QTGAL: variants seen among roughly 807,000 people sequenced by gnomAD.
QTGAL encodes BGnT-like protein 1.
chr17:83,048,649 G>C, the QTGAL span: 1 of 1,608,626 alleles, frequency 6.2e-7, no homozygotes, highest in Non-Finnish European at 8.5e-7. Flanking sequence ...TGAGTCACCC[G>C]ACAGGAAGTT....
At chr17:82,983,682 C>T in the QTGAL span, among the ~76,000 whole-genome samples, 1 of 152,216 alleles carries the variant, frequency 6.6e-6, no homozygotes, top group Admixed American at 6.5e-5. Context: ...GCAGATGCTC[C>T]GTGGGGGCAG....
At chr17:82,949,233 T>G in the QTGAL span, 1 of 152,136 alleles carries the variant, frequency 6.6e-6, no homozygotes, top group African/African-American at 2.4e-5. Flanking sequence ...ACCCAGAAAT[T>G]TTTAGAATTT....
chr17:82,995,832 C>T, the QTGAL span, among the ~76,000 whole-genome samples: 835 of 152,042 alleles, frequency 5.5e-3, 5 homozygotes, highest in Non-Finnish European at 9.2e-3. Context: ...AACTATAAAA[C>T]ACTGATGCAA....
the QTGAL span, among the ~76,000 whole-genome samples, chr17:83,026,228 G>A: frequency 6.6e-6 from 1 of 152,206 alleles, no homozygotes; most frequent in Non-Finnish European, 1.5e-5. Flanking sequence ...GAGCGTGGGT[G>A]TTCGCAGGCA....
At chr17:83,019,780 C>CTGGA in the QTGAL span, among the ~76,000 whole-genome samples, 2,676 of 152,256 alleles carry the variant, frequency 0.018, 29 homozygotes, top group Non-Finnish European at 0.025. Flanking sequence ...CTTGCCCAGG[C>CTGGA]TGGAGTGCAG....
At chr17:83,021,458 T>C in the QTGAL span, among the ~76,000 whole-genome samples, 2 of 152,232 alleles carry the variant, frequency 1.3e-5, no homozygotes, top group Non-Finnish European at 2.9e-5. Flanking sequence ...AAGAGATATA[T>C]TTTATTAAAT....
the QTGAL span, among the ~76,000 whole-genome samples, chr17:83,018,456 TACAC>T: frequency 6.7e-6 from 1 of 148,432 alleles, no homozygotes; most frequent in Non-Finnish European, 1.5e-5. Context: ...AACACACACA[TACAC>T]TTTTTTTTTA....
At chr17:82,972,449 C>CT in the QTGAL span, among the ~76,000 whole-genome samples, 1 of 125,728 alleles carries the variant, frequency 8.0e-6, no homozygotes, top group Non-Finnish European at 1.6e-5. Flanking sequence ...CTAGAAGGAC[C>CT]TGGTGCTGAC....
At chr17:82,952,165 T>C in the QTGAL span, among the ~76,000 whole-genome samples, 2 of 152,176 alleles carry the variant, frequency 1.3e-5, no homozygotes, top group Non-Finnish European at 2.9e-5. Flanking sequence ...TGACTTGGAT[T>C]AGTTGTGTGA....
chr17:82,962,871 T>C, the QTGAL span, among the ~76,000 whole-genome samples: 114,991 of 151,932 alleles, frequency 0.76, 43,666 homozygotes, highest in East Asian at 0.84. Flanking sequence ...GCCTCTGCCC[T>C]GGGAGGAGGG....
chr17:83,012,622 G>A, the QTGAL span, among the ~76,000 whole-genome samples: 2 of 152,294 alleles, frequency 1.3e-5, no homozygotes, highest in Middle Eastern at 3.4e-3. Context: ...GGGACGCAAA[G>A]GGAGCCGTTG....
the QTGAL span, chr17:83,005,081 G>A: frequency 4.7e-5 from 73 of 1,549,456 alleles, no homozygotes; most frequent in Non-Finnish European, 6.1e-5. This position sits in a 1 kb window ranked among gnomAD's most constrained non-coding sequence, Gnocchi z 5.6. Flanking sequence ...GGCGACCTGT[G>A]CACCTGCCCC....
the QTGAL span, among the ~76,000 whole-genome samples, chr17:82,969,727 T>A: frequency 6.6e-6 from 1 of 152,178 alleles, no homozygotes; most frequent in African/African-American, 2.4e-5. Context: ...TTACCCAGGC[T>A]GGAATGCAGT....
chr17:82,967,797 T>C, the QTGAL span, among the ~76,000 whole-genome samples: 1 of 151,670 alleles, frequency 6.6e-6, no homozygotes, highest in Non-Finnish European at 1.5e-5. Flanking sequence ...TAGCTGGGCA[T>C]GGTGATGCTC....
the QTGAL span, among the ~76,000 whole-genome samples, chr17:83,042,709 T>A: frequency 1.3e-5 from 2 of 152,098 alleles, no homozygotes; most frequent in African/African-American, 4.8e-5. Context: ...AGTAATCACT[T>A]TAAATGTAAA....
the QTGAL span, chr17:82,943,372 T>C: frequency 6.6e-6 from 1 of 152,244 alleles, no homozygotes; most frequent in Non-Finnish European, 1.5e-5. Context: ...GCTGTGCTCA[T>C]AGGGCTTGAG....
At chr17:83,008,943 C>T in the QTGAL span, among the ~76,000 whole-genome samples, 1 of 152,160 alleles carries the variant, frequency 6.6e-6, no homozygotes, top group East Asian at 1.9e-4. Flanking sequence ...GACAAGCGGC[C>T]CTTCCTGACC....
At chr17:82,991,380 A>C in the QTGAL span, among the ~76,000 whole-genome samples, 1 of 152,196 alleles carries the variant, frequency 6.6e-6, no homozygotes, top group Non-Finnish European at 1.5e-5. Context: ...GTAGTGAATA[A>C]GTCTCACAAG....
the QTGAL span, chr17:83,049,030 G>A: frequency 1.7e-4 from 82 of 474,680 alleles, no homozygotes; most frequent in Non-Finnish European, 1.5e-5. Flanking sequence ...GAGGTGGGTG[G>A]ATTACAAGGT....
Sources: allele counts gnomAD v4.1 joint callset (sites outside exome capture counted in the v4.1 genomes callset), GRCh38; gene constraint gnomAD v4.1.1; non-coding constraint Gnocchi (gnomAD v3.1); transcripts MANE v1.5; gene names NCBI Gene and HGNC (gene_info 2026-07-23, HGNC 2026-07-21).